Variants in KAT7 observed in about 807,000 individuals in gnomAD.
The protein encoded by KAT7 is histone acetyltransferase KAT7.
In KAT7, 10 loss-of-function variants were observed where a neutral mutation model predicts 82.1. The observed-to-expected ratio is 0.12, with a 90% CI of 0.08 to 0.21. The LOEUF (loss-of-function observed/expected upper bound fraction) is 0.21, where lower values mean the gene tolerates loss of function less well. Ranked by LOEUF, KAT7 falls within the 10% of genes least tolerant of loss-of-function variation. KAT7 has a pLI of 1.00. For synonymous variants in KAT7, 250 were observed against 262.5 expected, an observed-to-expected ratio of 0.95 and a Z score of 0.46; for missense variants, 378 against 760.9, an observed-to-expected ratio of 0.50 and a Z score of 5.92.
chr17:49,796,770 C>G lies in KAT7; in HGVS notation c.184C>G (p.Leu62Val), dbSNP rs780780824. ...ATCAGATTCCAGTCCTGTTCGAAAT[C>G]TGCAGTCTTTTGGCACTGAGGAGCC... ...SSQDSSPVRN[L>V]QSFGTEEPAY... The change falls in exon 3 of 15, where the codon CTG becomes GTG. Residue 62 changes from leucine (L) to valine (V), a missense_variant. This residue lies in a region of KAT7 where 161 missense variants were observed against 229.6 expected (regional missense o/e 0.70). Coordinates refer to ENST00000259021, the MANE Select transcript of KAT7 (RefSeq NM_007067.5). The G allele has an allele frequency of 1.2e-6, 2 of 1,608,114 alleles. No individual in the cohort carries two copies. Among genetic ancestry groups the G allele is most frequent in the Non-Finnish European group, 1.7e-6 (2 of 1,176,580 alleles).
Position 49,809,158 on chromosome 17 carries a change from A to T in KAT7, c.703A>T (p.Met235Leu). ...CCGGGATAAGCAGATAGAAGAAAGG[A>T]TGCTGTCTCACAGGCAAGATGACAA... ...QSRDKQIEER[M>L]LSHRQDDNNR... The change falls in exon 6 of 15, where the codon ATG (methionine) becomes TTG (leucine). Residue 235 changes from methionine (M) to leucine (L), a missense_variant. By Grantham distance (15) the Met-to-Leu change is conservative (BLOSUM62 2). This residue lies in a region of KAT7 where 102 missense variants were observed against 129.8 expected (regional missense o/e 0.79). Transcript: ENST00000259021. The T allele has an allele frequency of 1.9e-6, 3 of 1,614,180 alleles. No homozygotes were observed. Among genetic ancestry groups the T allele is most frequent in the Non-Finnish European group, 2.5e-6 (3 of 1,180,004 alleles).
chr17:49,791,429 G>A (rs555466465), intron 1 of KAT7, among the ~76,000 whole-genome samples: 34 of 152,266 alleles, frequency 2.2e-4, no homozygotes, highest in African/African-American at 6.0e-4. Flanking sequence ...AGGCCAAGGC[G>A]GGTGGATCAC....
intron 6 of KAT7, 40 bp from the exon 7 acceptor site, chr17:49,811,436 A>G (rs2074163920): frequency 9.6e-7 from 1 of 1,046,682 alleles, no homozygotes; most frequent in Admixed American, 2.4e-5. Flanking sequence ...GCTTAGCTTT[A>G]TAAGGAGTTT....
intron 7 of KAT7, among the ~76,000 whole-genome samples, chr17:49,813,582 G>A (rs866910257): frequency 1.3e-5 from 2 of 152,016 alleles, no homozygotes; most frequent in Non-Finnish European, 2.9e-5. Context: ...ACCACGGATC[G>A]GAAATATTCC....
intron 4 of KAT7, among the ~76,000 whole-genome samples, chr17:49,800,176 T>C (rs2074006752): frequency 6.6e-6 from 1 of 152,040 alleles, no homozygotes; most frequent in Non-Finnish European, 1.5e-5. Flanking sequence ...CATGCCCGGC[T>C]AATTTTTTAT....
chr17:49,812,999 C>G (rs1661916122), intron 7 of KAT7, among the ~76,000 whole-genome samples: 1 of 137,756 alleles, frequency 7.3e-6, no homozygotes, highest in African/African-American at 2.8e-5. Flanking sequence ...CTGCACCCAG[C>G]CTTTTTTTTT....
At position 49,833,367 on chromosome 17, in the gene KAT7, A is replaced by C. The variant is rs1186560308; in HGVS notation, c.*5865A>C. 6.6e-6 allele frequency: 1 copy of C among 152,234 alleles called. No individual in the cohort carries two copies. The highest frequency in any genetic ancestry group is 1.5e-5 in the Non-Finnish European group (1 of 68,044). The allele number at this position is 152,234 out of a possible 1,614,324, so 9.4% of individuals were successfully genotyped here. A position where few individuals can be genotyped will look rare whatever the true frequency, so the allele number is the denominator to read the frequency against. On this transcript the variant is annotated 3_prime_UTR_variant, in exon 15 of 15. Coordinates refer to ENST00000259021, the MANE Select transcript of KAT7 (RefSeq NM_007067.5). ...ATACATTCAATTCCAAAGTTATCAG[A>C]AACCTACACTCTTATCTCACAAATT...
Position 49,827,719 on chromosome 17 carries a change from G to C in KAT7, c.*217G>C. On this transcript the variant is annotated 3_prime_UTR_variant, in exon 15 of 15. Coordinates refer to ENST00000259021, the MANE Select transcript of KAT7 (RefSeq NM_007067.5). Reference sequence around the variant, plus strand: ...GGCCTCAGTGAGGTTGCCTGGATGGGATCTGTATTAGACTTGAGTGCAGGT... The same window carrying C: ...GGCCTCAGTGAGGTTGCCTGGATGGCATCTGTATTAGACTTGAGTGCAGGT... The C allele has an allele frequency of 1.7e-6, 1 of 583,826 alleles. No individual in the cohort carries two copies. The highest frequency in any genetic ancestry group is 2.1e-5 in the South Asian group (1 of 47,356). The allele number at this position is 583,826 out of a possible 1,614,324, so 36.2% of individuals were successfully genotyped here. A position where few individuals can be genotyped will look rare whatever the true frequency, so the allele number is the denominator to read the frequency against.
chr17:49,822,333 C>T (rs1331348669), intron 11 of KAT7, among the ~76,000 whole-genome samples: 7 of 151,636 alleles, frequency 4.6e-5, no homozygotes, highest in Admixed American at 4.6e-4. Context: ...GTTCAAGTGA[C>T]CCTCCTGCCT....
chr17:49,797,094 C>T (rs1436987884), intron 3 of KAT7, among the ~76,000 whole-genome samples, 168 bp downstream of exon 3: 7 of 149,426 alleles, frequency 4.7e-5, no homozygotes, highest in African/African-American at 1.2e-4. Context: ...GACGGAGTCT[C>T]GCTCTATTGC....
chr17:49,792,740 T>C (rs2073906316), intron 2 of KAT7, among the ~76,000 whole-genome samples: 1 of 152,182 alleles, frequency 6.6e-6, no homozygotes, highest in South Asian at 2.1e-4. Context: ...TGTAGGCTAA[T>C]GTAAGTGGTT....
At chr17:49,801,027 C>T (rs1598059288) in intron 4 of KAT7, among the ~76,000 whole-genome samples, 1 of 152,012 alleles carries the variant, frequency 6.6e-6, no homozygotes, top group South Asian at 2.1e-4. Context: ...CACTTAGAGG[C>T]CAATATACCT....
At chr17:49,799,727 G>C (rs1015665900) in intron 4 of KAT7, among the ~76,000 whole-genome samples, 1 of 152,114 alleles carries the variant, frequency 6.6e-6, no homozygotes, top group Non-Finnish European at 1.5e-5. Flanking sequence ...GCAGTGGCAT[G>C]ATCATAGCTC....
At chr17:49,799,949 C>T (rs1186131176) in intron 4 of KAT7, among the ~76,000 whole-genome samples, 1 of 150,986 alleles carries the variant, frequency 6.6e-6, no homozygotes, top group Non-Finnish European at 1.5e-5. Context: ...GGACTACAAG[C>T]GTGAGCCACC....
chr17:49,832,112 C>T lies in KAT7; in HGVS notation c.*4610C>T, dbSNP rs1404561485. The stretch of plus-strand genomic sequence containing the variant: ...CTGGGATTACAGGTGCCCACCACCT[C>T]GCCTGGCTAATTTTTGTATTTTTAG... On this transcript the variant is annotated 3_prime_UTR_variant, in exon 15 of 15. Transcript: ENST00000259021. 1 of 152,080 alleles carries T rather than the reference C, an allele frequency of 6.6e-6. No homozygotes were observed. The highest frequency in any genetic ancestry group is 2.4e-5 in the African/African-American group (1 of 41,394). The allele number at this position is 152,080 out of a possible 1,614,324, so 9.4% of individuals were successfully genotyped here. A position where few individuals can be genotyped will look rare whatever the true frequency, so the allele number is the denominator to read the frequency against.
At chr17:49,824,274 C>G (rs139684511) in intron 12 of KAT7, among the ~76,000 whole-genome samples, 75 of 152,154 alleles carry the variant, frequency 4.9e-4, no homozygotes, top group Non-Finnish European at 1.0e-3. Context: ...GTGTGTTATT[C>G]TATATTTGAT....
chr17:49,811,924 A>G (rs1158272625), intron 7 of KAT7, among the ~76,000 whole-genome samples: 1 of 152,240 alleles, frequency 6.6e-6, no homozygotes, highest in African/African-American at 2.4e-5. Context: ...TTCAAGCTTA[A>G]TAGTAGTCTG....
At chr17:49,825,150 G>C (rs1422518521) in intron 12 of KAT7, among the ~76,000 whole-genome samples, 1 of 151,928 alleles carries the variant, frequency 6.6e-6, no homozygotes, top group Non-Finnish European at 1.5e-5. Context: ...TGTCTAAAAG[G>C]GTTCCCCAGA....
In KAT7 at chr17:49,788,702, G is replaced by A. The variant is rs554213886; in HGVS notation, c.-133G>A. 17 of 959,532 alleles carry A rather than the reference G, an allele frequency of 1.8e-5. No individual in the cohort carries two copies. Among genetic ancestry groups the A allele is most frequent in the African/African-American group, 1.0e-4 (6 of 58,148 alleles). The allele number at this position is 959,532 out of a possible 1,614,324, so 59.4% of individuals were successfully genotyped here. On this transcript the variant is annotated 5_prime_UTR_variant, in exon 1 of 15. Coordinates refer to ENST00000259021, the MANE Select transcript of KAT7 (RefSeq NM_007067.5). Reference sequence around the variant, plus strand: ...CTGCGCAGAACGCTCCAGACGCTGAGAGGCAGGAGGCACTAGGGATCGTCC... The same window carrying A: ...CTGCGCAGAACGCTCCAGACGCTGAAAGGCAGGAGGCACTAGGGATCGTCC...
Sources: gnomAD v4.1 joint callset for allele counts (sites outside exome capture counted in the v4.1 genomes callset) on GRCh38, gnomAD v4.1.1 for gene constraint, gnomAD v4.1.1 regional missense constraint, MANE v1.5 for transcripts, NCBI Gene and HGNC (gene_info 2026-07-23, HGNC 2026-07-21) for gene names.